Variants in MYCT1 observed in about 807,000 individuals in gnomAD.
MYCT1 encodes MYC target 1.
A neutral mutation model predicts 15.0 loss-of-function variants in MYCT1; 12 were observed. The observed-to-expected ratio is 0.80, with a 90% CI of 0.51 to 1.29. The LOEUF (loss-of-function observed/expected upper bound fraction) is 1.29. Ranked by LOEUF, MYCT1 falls within the 50% of genes most tolerant of loss-of-function variation. The probability of loss-of-function intolerance (pLI) is 0.00; values close to 1 mark genes in which losing one functional copy is unlikely to be tolerated. For missense variants in MYCT1, 287 were observed against 279.1 expected (o/e 1.03, Z -0.20); for synonymous variants, 104 against 102.7 (o/e 1.01, Z -0.07).
the MYCT1 span, among the ~76,000 whole-genome samples, chr6:152,742,331 G>A: frequency 6.6e-6 from 1 of 152,128 alleles, no homozygotes; most frequent in Non-Finnish European, 1.5e-5. Context: ...GTGTTTCTGA[G>A]GGAGGAAATG....
chr6:152,729,113 T>G (rs2129071744), downstream of MYCT1, among the ~76,000 whole-genome samples: 1 of 152,298 alleles, frequency 6.6e-6, no homozygotes, highest in East Asian at 1.9e-4. Context: ...ACTCATGTTT[T>G]GAAGCAATTA....
chr6:152,719,424 A>G (rs1453434828), intron 1 of MYCT1, among the ~76,000 whole-genome samples: 1 of 152,156 alleles, frequency 6.6e-6, no homozygotes, highest in East Asian at 1.9e-4. Context: ...TCCTTACTTG[A>G]CCTTCACCAG....
chr6:152,707,240 T>G (rs1184251690), intron 1 of MYCT1, among the ~76,000 whole-genome samples: 1 of 152,140 alleles, frequency 6.6e-6, no homozygotes, highest in Non-Finnish European at 1.5e-5. Context: ...TTGATTTGCG[T>G]TTCCCTGATG....
the MYCT1 span, among the ~76,000 whole-genome samples, chr6:152,732,074 T>C: frequency 6.6e-6 from 1 of 152,236 alleles, no homozygotes; most frequent in Admixed American, 6.5e-5. Context: ...AGATAGTTTA[T>C]ACCCAAATTA....
chr6:152,700,339 C>T (rs113631495), intron 1 of MYCT1, among the ~76,000 whole-genome samples: 9,809 of 151,968 alleles, frequency 0.065, 487 homozygotes, highest in East Asian at 0.17. Context: ...AGAAAAACAG[C>T]TTAGAAAAGG....
chr6:152,707,404 A>G (rs905170215), intron 1 of MYCT1, among the ~76,000 whole-genome samples: 7 of 152,008 alleles, frequency 4.6e-5, no homozygotes. Flanking sequence ...TTTAGATGTT[A>G]ACTTCTCATC....
intron 1 of MYCT1, among the ~76,000 whole-genome samples, chr6:152,706,869 G>GTGTGTGTGTGTGTGTGTA: frequency 6.6e-6 from 1 of 151,958 alleles, no homozygotes; most frequent in East Asian, 1.9e-4. Flanking sequence ...GTGTGTGTGT[G>GTGTGTGTGTGTGTGTGTA]TGTGTATGCA....
the MYCT1 span, among the ~76,000 whole-genome samples, chr6:152,736,285 G>A: frequency 3.3e-5 from 5 of 152,088 alleles, no homozygotes; most frequent in African/African-American, 1.2e-4. Context: ...GTGATGCAAT[G>A]AACAAATTAC....
At chr6:152,721,231 C>T (rs1189806861) in intron 1 of MYCT1, among the ~76,000 whole-genome samples, 3 of 152,144 alleles carry the variant, frequency 2.0e-5, no homozygotes, top group Admixed American at 6.6e-5. Context: ...CACTTCCTGT[C>T]TCAGAAAGAG....
At chr6:152,745,228 G>A in the MYCT1 span, among the ~76,000 whole-genome samples, 2 of 152,186 alleles carry the variant, frequency 1.3e-5, no homozygotes, top group Non-Finnish European at 2.9e-5. Flanking sequence ...CACAATTCAA[G>A]GCCATTGTAA....
At chr6:152,716,741 C>A (rs547028855) in intron 1 of MYCT1, among the ~76,000 whole-genome samples, 9 of 152,014 alleles carry the variant, frequency 5.9e-5, no homozygotes, top group Non-Finnish European at 1.3e-4. Context: ...TTTGTAGGTA[C>A]GTATTACAAA....
At chr6:152,704,985 C>T (rs9384034) in intron 1 of MYCT1, among the ~76,000 whole-genome samples, 14,928 of 152,076 alleles carry the variant, frequency 0.098, 1,318 homozygotes, top group African/African-American at 0.23. Context: ...CTGCATTTTT[C>T]TCTCAGCATC....
chr6:152,706,302 G>C (rs770991219), intron 1 of MYCT1, among the ~76,000 whole-genome samples: 2 of 152,060 alleles, frequency 1.3e-5, no homozygotes, highest in Non-Finnish European at 2.9e-5. Flanking sequence ...ACTGTATAAT[G>C]GTTTACTGCT....
downstream of MYCT1, among the ~76,000 whole-genome samples, chr6:152,728,837 T>C (rs554693194): frequency 2.0e-5 from 3 of 152,094 alleles, no homozygotes; most frequent in African/African-American, 7.2e-5. Flanking sequence ...GCCCAGGGGG[T>C]TGAGGCTTCA....
chr6:152,713,328 T>C (rs1264193868), intron 1 of MYCT1, among the ~76,000 whole-genome samples: 1 of 152,146 alleles, frequency 6.6e-6, no homozygotes, highest in Non-Finnish European at 1.5e-5. Flanking sequence ...TCATTGAATA[T>C]GGACATATGA....
rs78254099 is a variant in MYCT1, at chr6:152,717,814, C to G, written c.197-3928C>G. Among the ~76,000 whole-genome samples, 5 of 151,872 alleles carry G rather than the reference C, an allele frequency of 3.3e-5. No individual in the cohort carries two copies. In the Middle Eastern group the frequency reaches 0.01, roughly 310 times the overall value. ...GGATTAAGAAGTCGTTTTCATGATG[C>G]GTGTACTCTACTGAGCAAAAATTAA... On this transcript the variant is annotated intron_variant, in intron 1 of 1. Transcript: ENST00000367245.
chr6:152,742,518 A>G, the MYCT1 span, among the ~76,000 whole-genome samples: 1 of 152,216 alleles, frequency 6.6e-6, no homozygotes, highest in Non-Finnish European at 1.5e-5. Context: ...ATAGGGAACC[A>G]CAGAAAGATT....
In MYCT1 at chr6:152,723,193, CTCTT is replaced by C. The variant is rs1295329401; in HGVS notation, c.*942_*945del. The stretch of plus-strand genomic sequence containing the variant: ...TTGACACTAATTTTTTCTGGACAAA[CTCTT>C]TATGTGTTTTTCCCAAGAATAGTTA... On this transcript the variant is annotated 3_prime_UTR_variant, in exon 2 of 2. Transcript: ENST00000367245. 7 of 152,146 alleles carry C rather than the reference CTCTT, an allele frequency of 4.6e-5. No individual in the cohort carries two copies. Among genetic ancestry groups the C allele is most frequent in the African/African-American group, 1.7e-4 (7 of 41,436 alleles). 9.4% of individuals were successfully genotyped at this position (152,146 alleles called of 1,614,324 possible). A position where few individuals can be genotyped will look rare whatever the true frequency, so the allele number is the denominator to read the frequency against.
chr6:152,716,149 T>C (rs2099723639), intron 1 of MYCT1, among the ~76,000 whole-genome samples: 1 of 152,130 alleles, frequency 6.6e-6, no homozygotes, highest in Non-Finnish European at 1.5e-5. Flanking sequence ...GAGTGGGTAG[T>C]GAGAAGTTGA....
Sources: gnomAD v4.1 joint callset for allele counts (sites outside exome capture counted in the v4.1 genomes callset) on GRCh38, gnomAD v4.1.1 for gene constraint, MANE v1.5 for transcripts, NCBI Gene and HGNC (gene_info 2026-07-23, HGNC 2026-07-21) for gene names.